The following ADAMTS19 variants were observed in gnomAD, a reference collection of about 807,000 sequenced individuals.
ADAMTS19 encodes ADAM metallopeptidase with thrombospondin type 1 motif 19, also known as A disintegrin and metalloproteinase with thrombospondin motifs 19.
A neutral mutation model predicts 153.3 loss-of-function variants in ADAMTS19; 93 were observed. That is an observed-to-expected ratio of 0.61 (90% CI 0.51 to 0.72). The LOEUF (loss-of-function observed/expected upper bound fraction) is 0.72, where lower values mean the gene tolerates loss of function less well. ADAMTS19 is among the 30% of genes least tolerant of loss of function. The probability of loss-of-function intolerance (pLI) is 0.00; values close to 1 mark genes in which losing one functional copy is unlikely to be tolerated. For missense variants in ADAMTS19, 1,482 were observed against 1,552.1 expected (o/e 0.95, Z 0.76); for synonymous variants, 600 against 556.6 (o/e 1.08, Z -1.10).
chr5:129,570,946 AAAG>A (rs2126863457), intron 7 of ADAMTS19, among the ~76,000 whole-genome samples: 1 of 152,078 alleles, frequency 6.6e-6, no homozygotes, highest in Non-Finnish European at 1.5e-5. Flanking sequence ...CATCTACTGA[AAAG>A]AAAAAAGGCA....
intron 21 of ADAMTS19, among the ~76,000 whole-genome samples, chr5:129,712,849 C>T (rs536454095): frequency 2.8e-4 from 43 of 152,140 alleles, no homozygotes; most frequent in African/African-American, 9.2e-4. Context: ...CTCTCCCCTA[C>T]GTGTGTGTAT....
At chr5:129,600,746 A>T (rs141637514) in intron 8 of ADAMTS19, among the ~76,000 whole-genome samples, 3 of 152,152 alleles carry the variant, frequency 2.0e-5, no homozygotes, top group African/African-American at 7.2e-5. Context: ...ATAAATATAT[A>T]AAAAAGTGTA....
chr5:129,732,785 T>A (rs989884268), intron 21 of ADAMTS19, among the ~76,000 whole-genome samples: 1 of 152,004 alleles, frequency 6.6e-6, no homozygotes, highest in African/African-American at 2.4e-5. Flanking sequence ...ATTATCAATG[T>A]CATTTTTCAC....
chr5:129,611,776 C>T (rs1222833458), intron 8 of ADAMTS19, among the ~76,000 whole-genome samples: 1 of 151,882 alleles, frequency 6.6e-6, no homozygotes, highest in African/African-American at 2.4e-5. Flanking sequence ...AGAACAACTC[C>T]AAGACACATA....
At chr5:129,653,530 A>C (rs906053456) in intron 13 of ADAMTS19, among the ~76,000 whole-genome samples, 7 of 152,206 alleles carry the variant, frequency 4.6e-5, no homozygotes, top group African/African-American at 1.7e-4. Context: ...TTTACCTGGA[A>C]TAAAAGTTCT....
At chr5:129,605,112 A>G (rs1365717896) in intron 8 of ADAMTS19, among the ~76,000 whole-genome samples, 1 of 152,222 alleles carries the variant, frequency 6.6e-6, no homozygotes, top group African/African-American at 2.4e-5. Context: ...GGATTATTAT[A>G]GTAGCCTCTT....
At chr5:129,610,054 A>T (rs1482992649) in intron 8 of ADAMTS19, among the ~76,000 whole-genome samples, 1 of 151,052 alleles carries the variant, frequency 6.6e-6, no homozygotes, top group East Asian at 1.9e-4. Flanking sequence ...AAATATAACA[A>T]CTTCTGTTCT....
intron 8 of ADAMTS19, among the ~76,000 whole-genome samples, chr5:129,610,229 T>C (rs13163816): frequency 6.6e-6 from 1 of 152,096 alleles, no homozygotes; most frequent in Non-Finnish European, 1.5e-5. Flanking sequence ...TATTGAATAA[T>C]CCTTTTTAAA....
chr5:129,584,732 G>A (rs80351260), intron 7 of ADAMTS19, among the ~76,000 whole-genome samples: 1 of 152,122 alleles, frequency 6.6e-6, no homozygotes, highest in African/African-American at 2.4e-5. Flanking sequence ...CTCATTAATG[G>A]TGGATGCCCC....
chr5:129,461,155 T>C lies in ADAMTS19; in HGVS notation c.145T>C (p.Trp49Arg). The C allele has an allele frequency of 7.1e-7, 1 of 1,403,436 alleles. No homozygotes were observed. The highest frequency in any genetic ancestry group is 9.3e-7 in the Non-Finnish European group (1 of 1,074,446). The allele number at this position is 1,403,436 out of a possible 1,614,324, so 86.9% of individuals were successfully genotyped here. The change falls in exon 2 of 23, where the codon TGG (tryptophan) becomes CGG (arginine). Residue 49 changes from tryptophan to arginine, a missense_variant. Coordinates refer to ENST00000274487, the MANE Select transcript of ADAMTS19 (RefSeq NM_133638.6). This position sits in a 1 kb window ranked among gnomAD's most constrained non-coding sequence, Gnocchi z 4.6. ...GTGGGAAGTCGTGTTTCCTGCGCTC[T>C]GGCGCCGGGAGCCGGTGGACCCGGC... ...EEWEVVFPAL[W>R]RREPVDPAGG...
chr5:129,504,131 C>T (rs1751193529), intron 2 of ADAMTS19, among the ~76,000 whole-genome samples: 1 of 152,002 alleles, frequency 6.6e-6, no homozygotes, highest in Non-Finnish European at 1.5e-5. Context: ...GCTATATTTT[C>T]CCATTTCTTT....
chr5:129,671,264 G>A (rs1241840453), intron 16 of ADAMTS19, among the ~76,000 whole-genome samples: 3 of 152,100 alleles, frequency 2.0e-5, no homozygotes, highest in Non-Finnish European at 4.4e-5. Flanking sequence ...TTGAACTGAT[G>A]GAACTTGCTG....
intron 21 of ADAMTS19, among the ~76,000 whole-genome samples, chr5:129,710,127 C>G (rs371113783): frequency 6.6e-6 from 1 of 152,260 alleles, no homozygotes; most frequent in African/African-American, 2.4e-5. Context: ...TCTTCCTCCC[C>G]CTGCCTCACC....
intron 18 of ADAMTS19, among the ~76,000 whole-genome samples, chr5:129,684,503 TAC>T (rs869055463): frequency 0.047 from 7,033 of 150,372 alleles, 438 homozygotes; most frequent in African/African-American, 0.13. Context: ...CTCTTTGCAT[TAC>T]ATTACATTAC....
In ADAMTS19 at chr5:129,528,500, T is replaced by G; in HGVS notation, c.1171-20T>G. 7 of 1,545,162 alleles carry G rather than the reference T, an allele frequency of 4.5e-6. No homozygotes were observed. The highest frequency in any genetic ancestry group is 6.1e-6 in the Non-Finnish European group (7 of 1,151,380). On this transcript the variant is annotated intron_variant, in intron 5 of 22. Transcript: ENST00000274487. ...TACCTAAGAATAATATGCCTTGTGA[T>G]GAGCTCTGTTCTTTTGCAGCCAGAA...
intron 2 of ADAMTS19, among the ~76,000 whole-genome samples, chr5:129,508,071 T>A (rs1751322946): frequency 6.6e-6 from 1 of 151,980 alleles, no homozygotes; most frequent in African/African-American, 2.4e-5. Context: ...AATTATATTA[T>A]TATTGTGCCA....
At chr5:129,539,574 A>G (rs1752584085) in intron 6 of ADAMTS19, among the ~76,000 whole-genome samples, 1 of 152,122 alleles carries the variant, frequency 6.6e-6, no homozygotes, top group South Asian at 2.1e-4. Context: ...ATGCATTCCT[A>G]TATCGGTCTG....
chr5:129,702,251 G>A (rs75582419), intron 20 of ADAMTS19, among the ~76,000 whole-genome samples: 8,299 of 152,136 alleles, frequency 0.055, 744 homozygotes, highest in African/African-American at 0.19. Flanking sequence ...ATATCTTTGC[G>A]TAATAATAAA....
intron 8 of ADAMTS19, among the ~76,000 whole-genome samples, chr5:129,608,116 G>GTATATATATATATATATATAATATATA (rs1751013599): frequency 4.2e-5 from 2 of 47,928 alleles, no homozygotes; most frequent in Non-Finnish European, 9.9e-5. Context: ...GTGTGTGTGT[G>GTATATATATATATATATATAATATATA]TATATATATA....
Sources: gnomAD v4.1 joint callset for allele counts (sites outside exome capture counted in the v4.1 genomes callset) on GRCh38, gnomAD v4.1.1 for gene constraint, Gnocchi (gnomAD v3.1) non-coding constraint, MANE v1.5 for transcripts, NCBI Gene and HGNC (gene_info 2026-07-23, HGNC 2026-07-21) for gene names.